TMED10: variants seen among roughly 807,000 people sequenced by gnomAD.
TMED10 encodes transmembrane emp24 domain-containing protein 10.
A neutral mutation model predicts 23.1 loss-of-function variants in TMED10; 7 were observed. The ratio of observed to expected loss-of-function variants is 0.30; its 90% CI spans 0.17 to 0.57. TMED10 has a LOEUF of 0.57. Ranked by LOEUF, TMED10 falls within the 20% of genes least tolerant of loss-of-function variation. The pLI is 0.91. For missense variants in TMED10, 162 were observed against 274.8 expected, an observed-to-expected ratio of 0.59 and a Z score of 2.90; for synonymous variants, 113 against 106.9, an observed-to-expected ratio of 1.06 and a Z score of -0.35.
chr14:75,158,035 C>T (rs1469347557), intron 1 of TMED10, among the ~76,000 whole-genome samples: 1 of 152,102 alleles, frequency 6.6e-6, no homozygotes, highest in Admixed American at 6.5e-5. Context: ...GCTGCCTTCC[C>T]CCAAAAGGAA....
Position 75,135,844 on chromosome 14 carries a change from G to A in TMED10, c.454C>T (p.Arg152Ter), listed in dbSNP as rs17103066. 2 of 1,614,042 alleles carry A rather than the reference G, an allele frequency of 1.2e-6. No individual in the cohort carries two copies. Among genetic ancestry groups the A allele is most frequent in the Non-Finnish European group, 1.7e-6 (2 of 1,180,004 alleles). ...EKLKPLEVEL[R>*]RLEDLSESIV... is the part of the protein sequence containing the mutation. ...GATTCTGAAAGGTCTTCTAGGCGTCGCAGCTCTACCTCTAATGGTTTGAGC... is the reference window on the plus strand; with the variant it reads ...GATTCTGAAAGGTCTTCTAGGCGTCACAGCTCTACCTCTAATGGTTTGAGC... Residue 152 changes from arginine to a stop codon, truncating the protein, a stop_gained, in exon 4 of 5, where the codon CGA (arginine) becomes TGA (stop). Coordinates refer to ENST00000303575, the MANE Select transcript of TMED10 (RefSeq NM_006827.6). LOFTEE classifies it high-confidence loss of function.
At position 75,176,370 on chromosome 14, in the gene TMED10, C is replaced by G. The variant is rs1473696125; in HGVS notation, c.210G>C (p.Leu70=). The change falls in exon 1 of 5, where the codon CTG becomes CTC. Residue 70 remains leucine, a synonymous_variant. Coordinates refer to ENST00000303575, the MANE Select transcript of TMED10 (RefSeq NM_006827.6). ...ISDQSGGAGG[L]RSHLKITDSA... is the part of the protein sequence containing the mutation. ...AATGCCGCACCTTGAGGTGGCTGCGCAGGCCGCCAGCGCCCCCAGACTGGT... is the reference window on the plus strand; with the variant it reads ...AATGCCGCACCTTGAGGTGGCTGCGGAGGCCGCCAGCGCCCCCAGACTGGT... 1 of 1,614,096 alleles carries G rather than the reference C, an allele frequency of 6.2e-7. No individual in the cohort carries two copies. Among genetic ancestry groups the G allele is most frequent in the Non-Finnish European group, 8.5e-7 (1 of 1,180,034 alleles).
intron 1 of TMED10, among the ~76,000 whole-genome samples, chr14:75,163,563 A>G (rs1765134203): frequency 1.3e-5 from 2 of 150,514 alleles, no homozygotes; most frequent in South Asian, 4.2e-4. Flanking sequence ...AAAAAAAAAA[A>G]AAAAAAAAAA....
chr14:75,145,972 C>A (rs1351180233), intron 3 of TMED10, among the ~76,000 whole-genome samples: 1 of 152,010 alleles, frequency 6.6e-6, no homozygotes, highest in Non-Finnish European at 1.5e-5. Context: ...GAACATTCTC[C>A]CTAGTGTTTT....
chr14:75,149,214 GCGGAGAAGTAGGACCTTTAAGAATTGA>G (rs1391953313), intron 2 of TMED10, among the ~76,000 whole-genome samples: 3 of 152,240 alleles, frequency 2.0e-5, no homozygotes, highest in Non-Finnish European at 4.4e-5. Context: ...ACTGTGCCTG[GCGGAGAAGTAGGACCTTTAAGAATTGA>G]CTAGGTCATG....
intron 1 of TMED10, among the ~76,000 whole-genome samples, chr14:75,166,855 G>A (rs979822053): frequency 6.6e-6 from 1 of 151,542 alleles, no homozygotes; most frequent in Admixed American, 6.6e-5. Context: ...TACAGAAAAA[G>A]TCTGGCATAA....
rs1235950357 is a variant in TMED10 at position 75,131,796 on chromosome 14, A to G, written c.*3089T>C. The G allele has an allele frequency of 6.6e-6, 1 of 152,232 alleles. No individual in the cohort carries two copies. Among genetic ancestry groups the G allele is most frequent in the Non-Finnish European group, 1.5e-5 (1 of 68,034 alleles). The allele number at this position is 152,232 out of a possible 1,614,324, so 9.4% of individuals were successfully genotyped here. A position where few individuals can be genotyped will look rare whatever the true frequency, so the allele number is the denominator to read the frequency against. On this transcript the variant is annotated 3_prime_UTR_variant, in exon 5 of 5. Coordinates refer to ENST00000303575, the MANE Select transcript of TMED10 (RefSeq NM_006827.6). Reference sequence around the variant, plus strand: ...TAAAACCAAAGTATAATATCAATTAACTTTTAAACCAAAAGCACAAAATGT... The same window carrying G: ...TAAAACCAAAGTATAATATCAATTAGCTTTTAAACCAAAAGCACAAAATGT...
chr14:75,164,085 A>G (rs572855825), intron 1 of TMED10, among the ~76,000 whole-genome samples: 1 of 151,516 alleles, frequency 6.6e-6, no homozygotes, highest in African/African-American at 2.4e-5. Flanking sequence ...TTTTTTTTTG[A>G]GACAGAGTTT....
At chr14:75,163,750 TA>T (rs1284319881) in intron 1 of TMED10, among the ~76,000 whole-genome samples, 4 of 152,002 alleles carry the variant, frequency 2.6e-5, no homozygotes, top group Non-Finnish European at 4.4e-5. Flanking sequence ...ACCTCATTTG[TA>T]AAATAAGGAC....
Position 75,164,546 on chromosome 14 carries a change from TATATATATATATATA to T in TMED10, c.225+11794_225+11808del, listed in dbSNP as rs1896127593. On this transcript the variant is annotated intron_variant, in intron 1 of 4. Coordinates refer to ENST00000303575, the MANE Select transcript of TMED10 (RefSeq NM_006827.6). ...GCACCTGGCCTAATATATATATATA[TATATATATATATATA>T]TATATATATATATATATTTTTTTTT... Among the ~76,000 whole-genome samples, 5 of 33,612 alleles carry T rather than the reference TATATATATATATATA, an allele frequency of 1.5e-4. 1 individual carries two copies. The highest frequency in any genetic ancestry group is 1.5e-4 in the Non-Finnish European group (3 of 20,472). 22.1% of individuals were successfully genotyped at this position (33,612 alleles called of 152,430 possible).
chr14:75,158,711 G>T (rs1437590182), intron 1 of TMED10, among the ~76,000 whole-genome samples: 3 of 151,920 alleles, frequency 2.0e-5, no homozygotes, highest in Non-Finnish European at 4.4e-5. Flanking sequence ...GATCACCTGA[G>T]GTCGGGAGTT....
chr14:75,171,126 G>C (rs370864965), intron 1 of TMED10, among the ~76,000 whole-genome samples: 16 of 152,208 alleles, frequency 1.1e-4, no homozygotes, highest in Middle Eastern at 3.4e-3. Context: ...CCTTATAAGG[G>C]AACGAGGGAG....
intron 2 of TMED10, among the ~76,000 whole-genome samples, chr14:75,148,355 T>C (rs175433): frequency 1.8e-4 from 27 of 151,590 alleles, no homozygotes; most frequent in Middle Eastern, 3.4e-3. Context: ...TACAATGTCA[T>C]AGAGCTATTC....
intron 1 of TMED10, among the ~76,000 whole-genome samples, chr14:75,164,392 C>T (rs1210749135): frequency 2.0e-5 from 3 of 150,410 alleles, no homozygotes; most frequent in Non-Finnish European, 3.0e-5. Flanking sequence ...CCACCAGGCC[C>T]GGCTAATTTT....
Position 75,134,708 on chromosome 14 carries a change from T to C in TMED10, c.*177A>G, listed in dbSNP as rs532054008. Reference sequence around the variant, plus strand: ...TACCAAATTAAAAAGAAGTCCCTCATTGACTTGTTGGGTGTAGGTGGTACC... The same window carrying C: ...TACCAAATTAAAAAGAAGTCCCTCACTGACTTGTTGGGTGTAGGTGGTACC... On this transcript the variant is annotated 3_prime_UTR_variant, in exon 5 of 5. Transcript: ENST00000303575. 9.9e-6 allele frequency: 7 copies of C among 709,654 alleles called. No homozygotes were observed. The highest frequency in any genetic ancestry group is 6.0e-5 in the South Asian group (3 of 49,786). 44.0% of individuals were successfully genotyped at this position (709,654 alleles called of 1,614,324 possible).
chr14:75,173,054 C>G (rs886608908), intron 1 of TMED10, among the ~76,000 whole-genome samples: 1 of 152,180 alleles, frequency 6.6e-6, no homozygotes, highest in Non-Finnish European at 1.5e-5. Flanking sequence ...AAGTCTGGAG[C>G]TTTCACATCA....
At chr14:75,146,587 C>A (rs773528013) in intron 3 of TMED10, among the ~76,000 whole-genome samples, 4 of 152,064 alleles carry the variant, frequency 2.6e-5, no homozygotes, top group Non-Finnish European at 5.9e-5. Context: ...TTCAAAGGTG[C>A]CCTTCATTTG....
intron 1 of TMED10, among the ~76,000 whole-genome samples, chr14:75,164,522 C>A (rs867262416): frequency 5.2e-5 from 7 of 133,588 alleles, no homozygotes; most frequent in African/African-American, 2.1e-4. Context: ...TGAGCCACTG[C>A]ACCTGGCCTA....
At chr14:75,142,576 C>T (rs1157012847) in intron 3 of TMED10, among the ~76,000 whole-genome samples, 3 of 152,196 alleles carry the variant, frequency 2.0e-5, no homozygotes, top group Non-Finnish European at 2.9e-5. Flanking sequence ...TACTGTGTCA[C>T]ACAGTTAACA....
Sources: allele counts gnomAD v4.1 joint callset (sites outside exome capture counted in the v4.1 genomes callset), GRCh38; gene constraint gnomAD v4.1.1; transcripts MANE v1.5; gene names NCBI Gene and HGNC (gene_info 2026-07-23, HGNC 2026-07-21).